The following ANKH variants were observed in gnomAD, a reference collection of about 807,000 sequenced individuals.
ANKH encodes ANKH inorganic pyrophosphate transport regulator.
In ANKH, 15 loss-of-function variants were observed where a neutral mutation model predicts 49.0. That is an observed-to-expected ratio of 0.31 (90% CI 0.20 to 0.47). ANKH has a LOEUF of 0.47. Among genes scored for constraint, ANKH ranks in the 20% least tolerant of loss-of-function variants. The pLI, the probability that ANKH is intolerant of heterozygous loss-of-function variation, is 1.00. For missense variants in ANKH, 429 were observed against 652.0 expected (o/e 0.66, Z 3.72); for synonymous variants, 273 against 260.0 (o/e 1.05, Z -0.48).
At chr5:14,728,854 C>T (rs1313268000) in intron 8 of ANKH, among the ~76,000 whole-genome samples, 1 of 152,174 alleles carries the variant, frequency 6.6e-6, no homozygotes, top group African/African-American at 2.4e-5. Context: ...GACGCAGCTG[C>T]AAATAATGGT....
intron 1 of ANKH, among the ~76,000 whole-genome samples, chr5:14,839,864 C>G (rs1215916913): frequency 6.6e-6 from 1 of 152,176 alleles, no homozygotes; most frequent in Non-Finnish European, 1.5e-5. Flanking sequence ...GCACGTACCC[C>G]ATCAGAGGTA....
chr5:14,771,976 C>G (rs1236022967), intron 1 of ANKH, among the ~76,000 whole-genome samples: 2 of 150,184 alleles, frequency 1.3e-5, no homozygotes, highest in Admixed American at 6.6e-5. Context: ...AAAAACCGTT[C>G]CCAATTATAA....
At chr5:14,736,508 A>G (rs1169324886) in intron 8 of ANKH, among the ~76,000 whole-genome samples, 1 of 152,152 alleles carries the variant, frequency 6.6e-6, no homozygotes. Flanking sequence ...CAGGGTCCCA[A>G]GGGCTGGGAG....
At chr5:14,750,186 G>T (rs1738666585) in intron 5 of ANKH, among the ~76,000 whole-genome samples, 1 of 152,238 alleles carries the variant, frequency 6.6e-6, no homozygotes, top group South Asian at 2.1e-4. Flanking sequence ...AGGGTGAGGT[G>T]AGGGGATGAA....
At chr5:14,727,198 A>G (rs1454162152) in intron 8 of ANKH, among the ~76,000 whole-genome samples, 1 of 152,210 alleles carries the variant, frequency 6.6e-6, no homozygotes, top group Admixed American at 6.5e-5. Context: ...AAAGCATATT[A>G]CAAAGTGTTT....
intron 1 of ANKH, among the ~76,000 whole-genome samples, chr5:14,775,640 C>G (rs1739593447): frequency 6.6e-6 from 1 of 152,038 alleles, no homozygotes; most frequent in Non-Finnish European, 1.5e-5. Context: ...CAAGAGTGAG[C>G]CAGGTGCATA....
intron 1 of ANKH, among the ~76,000 whole-genome samples, chr5:14,779,420 C>T (rs1739737116): frequency 1.3e-5 from 2 of 152,164 alleles, no homozygotes; most frequent in African/African-American, 4.8e-5. Context: ...GCTCTGCAGC[C>T]CCCTGTGCAG....
intron 1 of ANKH, among the ~76,000 whole-genome samples, chr5:14,819,825 C>T (rs1412736349): frequency 6.6e-6 from 1 of 151,806 alleles, no homozygotes; most frequent in East Asian, 1.9e-4. Context: ...GAGATGGCAC[C>T]ACTGCACTAC....
intron 7 of ANKH, among the ~76,000 whole-genome samples, chr5:14,743,346 G>A (rs697565): frequency 6.6e-6 from 1 of 152,034 alleles, no homozygotes; most frequent in African/African-American, 2.4e-5. Flanking sequence ...TACTGCCATG[G>A]GGACAGCAAC....
At chr5:14,785,493 G>T (rs950836311) in intron 1 of ANKH, among the ~76,000 whole-genome samples, 1 of 152,158 alleles carries the variant, frequency 6.6e-6, no homozygotes, top group Non-Finnish European at 1.5e-5. Flanking sequence ...GCTTCCTGAG[G>T]CCTCTGCAGA....
chr5:14,729,488 A>G (rs79888721), intron 8 of ANKH, among the ~76,000 whole-genome samples: 1 of 113,184 alleles, frequency 8.8e-6, no homozygotes, highest in East Asian at 3.2e-4. Context: ...CGCCTGACCA[A>G]AAAAAAAAAA....
Position 14,816,837 on chromosome 5 carries a change from T to C in ANKH, c.97-47646A>G, listed in dbSNP as rs116949971. On this transcript the variant is annotated intron_variant, in intron 1 of 11. Coordinates refer to ENST00000284268, the MANE Select transcript of ANKH (RefSeq NM_054027.6). Reference sequence around the variant, plus strand: ...GATGAACACGATGGCAAACAAACTCTCCCACGGGGAAAAGAAAAACACTCA... The same window carrying C: ...GATGAACACGATGGCAAACAAACTCCCCCACGGGGAAAAGAAAAACACTCA... 8.7e-4 allele frequency among the ~76,000 whole-genome samples: 132 copies of C among 152,136 alleles called. 2 individuals carry two copies. In the East Asian group the frequency reaches 0.018, roughly 21 times the overall value.
intron 7 of ANKH, among the ~76,000 whole-genome samples, chr5:14,742,303 G>C (rs1161778985): frequency 6.6e-6 from 1 of 152,098 alleles, no homozygotes; most frequent in Non-Finnish European, 1.5e-5. Context: ...TAAATGCCAT[G>C]GCCCTGCTCA....
At chr5:14,825,581 G>T (rs1448094674) in intron 1 of ANKH, among the ~76,000 whole-genome samples, 2 of 152,082 alleles carry the variant, frequency 1.3e-5, no homozygotes, top group African/African-American at 2.4e-5. Flanking sequence ...TCAAACTCCT[G>T]GGCTCAAGTG....
chr5:14,827,551 G>A (rs1382185295), intron 1 of ANKH, among the ~76,000 whole-genome samples: 5 of 152,172 alleles, frequency 3.3e-5, no homozygotes, highest in African/African-American at 1.2e-4. Flanking sequence ...TGTCAATAAG[G>A]GATCCCCAAA....
At chr5:14,867,194 C>G (rs1735672971) in intron 1 of ANKH, among the ~76,000 whole-genome samples, 2 of 150,584 alleles carry the variant, frequency 1.3e-5, no homozygotes, top group Admixed American at 1.3e-4. Flanking sequence ...TATACGACAG[C>G]TAAGATTAAA....
chr5:14,759,686 G>A (rs1739011020), intron 2 of ANKH, among the ~76,000 whole-genome samples: 3 of 151,556 alleles, frequency 2.0e-5, no homozygotes, highest in Admixed American at 6.6e-5. Flanking sequence ...GAGCCCAGGA[G>A]TTCAAGGGTA....
At chr5:14,732,713 G>A (rs1228503492) in intron 8 of ANKH, among the ~76,000 whole-genome samples, 1 of 152,116 alleles carries the variant, frequency 6.6e-6, no homozygotes, top group Admixed American at 6.5e-5. Context: ...AATTCTTGTT[G>A]CCTCTGTGTG....
intron 8 of ANKH, among the ~76,000 whole-genome samples, chr5:14,727,907 A>G (rs536907227): frequency 1.3e-5 from 2 of 152,344 alleles, no homozygotes; most frequent in East Asian, 3.9e-4. Flanking sequence ...GAACCTGCTT[A>G]TAACAGCACA....
Sources: gnomAD v4.1 joint callset for allele counts (sites outside exome capture counted in the v4.1 genomes callset) on GRCh38, gnomAD v4.1.1 for gene constraint, MANE v1.5 for transcripts, NCBI Gene and HGNC (gene_info 2026-07-23, HGNC 2026-07-21) for gene names.